Variants in NEXMIF observed in about 807,000 individuals in gnomAD.
NEXMIF encodes XLMR protein related to neurite extension.
In NEXMIF, 8 loss-of-function variants were observed where a neutral mutation model predicts 62.1. That is an observed-to-expected ratio of 0.13 (90% CI 0.08 to 0.23). The LOEUF is 0.23. NEXMIF is among the 10% of genes least tolerant of loss of function. The pLI is 1.00. For missense variants in NEXMIF, 976 were observed against 1,113.3 expected (o/e 0.88, Z 1.75); for synonymous variants, 404 against 416.6 (o/e 0.97, Z 0.37).
chrX:74,792,848 T>G (rs1372750666), intron 1 of NEXMIF, among the ~76,000 whole-genome samples: 2 of 94,810 alleles, frequency 2.1e-5, no homozygotes, highest in African/African-American at 7.8e-5. Context: ...CTCCATCCTT[T>G]TATTTTGAGC....
intron 1 of NEXMIF, among the ~76,000 whole-genome samples, chrX:74,763,641 G>A (rs1415698124): frequency 2.7e-5 from 3 of 111,238 alleles, no homozygotes; most frequent in Non-Finnish European, 3.8e-5. Flanking sequence ...CTTTTATTTT[G>A]TTGAGCAGTG....
intron 1 of NEXMIF, among the ~76,000 whole-genome samples, chrX:74,846,743 T>A (rs1035150923): frequency 8.9e-6 from 1 of 112,427 alleles, no homozygotes; most frequent in Non-Finnish European, 1.9e-5. Context: ...TGTATTTTAC[T>A]ATGTTCTATG....
intron 1 of NEXMIF, among the ~76,000 whole-genome samples, chrX:74,761,972 C>CT (rs2080177783): frequency 9.0e-6 from 1 of 110,922 alleles, no homozygotes; most frequent in South Asian, 3.8e-4. Context: ...TTCTTTCTTT[C>CT]TTTTTTATTA....
chrX:74,830,971 C>G (rs768380446), intron 1 of NEXMIF, among the ~76,000 whole-genome samples: 2 of 109,712 alleles, frequency 1.8e-5, no homozygotes, highest in Non-Finnish European at 3.8e-5. Flanking sequence ...TGTTTTTTTT[C>G]AAATGTAAGA....
chrX:74,826,431 A>G (rs906608806), intron 1 of NEXMIF, among the ~76,000 whole-genome samples: 2 of 111,502 alleles, frequency 1.8e-5, no homozygotes, highest in Non-Finnish European at 3.8e-5. Flanking sequence ...TGTCAGATGC[A>G]TTGTTTCTTG....
At chrX:74,843,989 C>T (rs2080482973) in intron 1 of NEXMIF, among the ~76,000 whole-genome samples, 1 of 111,829 alleles carries the variant, frequency 8.9e-6, no homozygotes, top group Non-Finnish European at 1.9e-5. Context: ...TTAATGAATC[C>T]CCTCAACATT....
Position 74,740,085 on chromosome X carries a change from C to T in NEXMIF, c.4457+15G>A. 1.7e-6 allele frequency: 2 copies of T among 1,198,814 alleles called. No homozygotes were observed. Among genetic ancestry groups the T allele is most frequent in the Non-Finnish European group, 2.3e-6 (2 of 885,505 alleles). On this transcript the variant is annotated intron_variant, in intron 3 of 3. Coordinates refer to ENST00000055682, the MANE Select transcript of NEXMIF (RefSeq NM_001008537.3). ...CTAAGGGTGCATCATCTCAGCCATA[C>T]TGGTGCAGTATTACCTCAGTTTTTC...
rs1272488079 is a variant in NEXMIF, at chrX:74,739,172, C to T, written c.*233G>A. ...GTTGATATAGAAGTAAAAATATATACAGTACAGTCACTTGTTTGTAGTTTG... is the reference window on the plus strand; with the variant it reads ...GTTGATATAGAAGTAAAAATATATATAGTACAGTCACTTGTTTGTAGTTTG... On this transcript the variant is annotated 3_prime_UTR_variant, in exon 4 of 4. Transcript: ENST00000055682. 1 of 284,548 alleles carries T rather than the reference C, an allele frequency of 3.5e-6. No individual in the cohort carries two copies. The highest frequency in any genetic ancestry group is 6.0e-6 in the Non-Finnish European group (1 of 165,652). The allele number at this position is 284,548 out of a possible 1,213,427, so 23.4% of individuals were successfully genotyped here.
chrX:74,888,006 T>TGTG (rs2080702877), intron 1 of NEXMIF, among the ~76,000 whole-genome samples: 1 of 107,442 alleles, frequency 9.3e-6, no homozygotes, highest in Non-Finnish European at 2.0e-5. Flanking sequence ...GGGACATGGA[T>TGTG]GAAACCATCA....
At chrX:74,757,885 G>A (rs2080163968) in intron 1 of NEXMIF, among the ~76,000 whole-genome samples, 1 of 111,812 alleles carries the variant, frequency 8.9e-6, no homozygotes, top group African/African-American at 3.3e-5. Flanking sequence ...CCCAGTGCCT[G>A]ATGGGAAGTT....
intron 1 of NEXMIF, among the ~76,000 whole-genome samples, chrX:74,812,514 A>C (rs1238352879): frequency 1.8e-5 from 2 of 111,774 alleles, no homozygotes; most frequent in African/African-American, 3.3e-5. Flanking sequence ...ATCCTTTATA[A>C]AGATGCCAAA....
At chrX:74,854,959 G>GA (rs1237044096) in intron 1 of NEXMIF, among the ~76,000 whole-genome samples, 1 of 111,674 alleles carries the variant, frequency 9.0e-6, no homozygotes, top group Non-Finnish European at 1.9e-5. Flanking sequence ...TCATGGATCA[G>GA]AAAAATTAAT....
chrX:74,806,656 T>C (rs1391964182), intron 1 of NEXMIF, among the ~76,000 whole-genome samples: 2 of 112,298 alleles, frequency 1.8e-5, no homozygotes. Flanking sequence ...CAAGATCACG[T>C]AGATTTTCTC....
chrX:74,860,562 A>T (rs1033410320), intron 1 of NEXMIF, among the ~76,000 whole-genome samples: 16 of 112,180 alleles, frequency 1.4e-4, no homozygotes, highest in African/African-American at 5.2e-4. Flanking sequence ...CATCTTCTCC[A>T]CCACAATGGA....
At chrX:74,839,177 C>A (rs995753444) in intron 1 of NEXMIF, among the ~76,000 whole-genome samples, 4 of 111,858 alleles carry the variant, frequency 3.6e-5, no homozygotes, top group African/African-American at 1.3e-4. Flanking sequence ...CTTTATTTAT[C>A]TTTACCTAAA....
intron 1 of NEXMIF, among the ~76,000 whole-genome samples, chrX:74,890,543 C>T (rs945791606): frequency 8.1e-5 from 9 of 111,509 alleles, no homozygotes; most frequent in East Asian, 2.8e-4. Flanking sequence ...CCCTAAAATG[C>T]GCTATGAATT....
In NEXMIF at chrX:74,737,209, G is replaced by C. The variant is rs1250656710; in HGVS notation, c.*2196C>G. 1 of 111,753 alleles carries C rather than the reference G, an allele frequency of 8.9e-6. No individual in the cohort carries two copies. Among genetic ancestry groups the C allele is most frequent in the Non-Finnish European group, 1.9e-5 (1 of 53,164 alleles). 9.2% of individuals were successfully genotyped at this position (111,753 alleles called of 1,213,427 possible). A position where few individuals can be genotyped will look rare whatever the true frequency, so the allele number is the denominator to read the frequency against. On this transcript the variant is annotated 3_prime_UTR_variant, in exon 4 of 4. Transcript: ENST00000055682. ...TCTTGGGGATCACAATACAGGCAGA[G>C]TTGGTGATTCCAAGCCAAAATTCAG...
chrX:74,889,239 A>C (rs2080708640), intron 1 of NEXMIF, among the ~76,000 whole-genome samples: 1 of 111,466 alleles, frequency 9.0e-6, no homozygotes, highest in Non-Finnish European at 1.9e-5. Context: ...ATGGGGAAGC[A>C]ATGTATTGTG....
chrX:74,756,681 C>A (rs180747859), intron 1 of NEXMIF, among the ~76,000 whole-genome samples: 144 of 111,482 alleles, frequency 1.3e-3, no homozygotes, highest in Non-Finnish European at 1.9e-3. Flanking sequence ...TGACCCCTCA[C>A]AACTCATTAC....
Sources: allele counts gnomAD v4.1 joint callset (sites outside exome capture counted in the v4.1 genomes callset), GRCh38; gene constraint gnomAD v4.1.1; transcripts MANE v1.5; gene names NCBI Gene and HGNC (gene_info 2026-07-23, HGNC 2026-07-21).